The following MARK3 variants were observed in gnomAD, a reference collection of about 807,000 sequenced individuals.
MARK3 encodes the protein MAP/microtubule affinity-regulating kinase 3.
In MARK3, 46 loss-of-function variants were observed where a neutral mutation model predicts 90.1. The ratio of observed to expected loss-of-function variants is 0.51; its 90% confidence interval spans 0.40 to 0.65. The LOEUF (loss-of-function observed/expected upper bound fraction) is 0.65, where lower values mean the gene tolerates loss of function less well. Among genes scored for constraint, MARK3 ranks in the 30% least tolerant of loss-of-function variants. The probability of loss-of-function intolerance (pLI) is 0.00; values close to 1 mark genes in which losing one functional copy is unlikely to be tolerated. For synonymous variants in MARK3, 321 were observed against 332.6 expected, an observed-to-expected ratio of 0.97 and a Z score of 0.38; for missense variants, 818 against 947.2, an observed-to-expected ratio of 0.86 and a Z score of 1.79.
In MARK3 at chr14:103,503,187, A is replaced by G; in HGVS notation, c.2222A>G (p.Lys741Arg). The change falls in exon 18 of 18, where the codon AAA (lysine) becomes AGA (arginine). Residue 741 changes from lysine to arginine, a missense_variant. Lys to Arg is a conservative substitution (Grantham distance 26, BLOSUM62 2). This residue lies in a region of MARK3 where 560 missense variants were observed against 613.5 expected (regional missense o/e 0.91). Transcript: ENST00000429436. ...ATATCGGGGACATCCATAGCCTTCA[A>G]AAATATTGCTTCCAAAATTGCCAAT... ...KRISGTSIAF[K>R]NIASKIANEL... is the part of the protein sequence containing the mutation. 6.2e-7 allele frequency: 1 copy of G among 1,612,000 alleles called. No individual in the cohort carries two copies. Among genetic ancestry groups the G allele is most frequent in the Non-Finnish European group, 8.5e-7 (1 of 1,178,160 alleles).
chr14:103,432,622 G>A (rs927450746), intron 3 of MARK3, among the ~76,000 whole-genome samples: 1 of 152,098 alleles, frequency 6.6e-6, no homozygotes, highest in Non-Finnish European at 1.5e-5. Flanking sequence ...AGCCTGAGGC[G>A]AGAGGATCAC....
chr14:103,439,413 T>G (rs921740945), intron 3 of MARK3, among the ~76,000 whole-genome samples: 2 of 152,024 alleles, frequency 1.3e-5, no homozygotes, highest in African/African-American at 2.4e-5. Context: ...TCTTTTGTGT[T>G]TGTTTGTTTG....
chr14:103,400,983 A>AGGTTGTTTAT (rs2090929886), intron 1 of MARK3, among the ~76,000 whole-genome samples: 1 of 109,368 alleles, frequency 9.1e-6, no homozygotes, highest in Non-Finnish European at 1.9e-5. Flanking sequence ...GTGTGTGTGT[A>AGGTTGTTTAT]TGCAGGTTGT....
At chr14:103,410,295 A>G (rs1486240108) in intron 2 of MARK3, among the ~76,000 whole-genome samples, 2 of 152,210 alleles carry the variant, frequency 1.3e-5, no homozygotes, top group African/African-American at 2.4e-5. Flanking sequence ...GGAAGGGAAG[A>G]GGAGGAGAAA....
chr14:103,403,326 T>TTGTGTGTGTGTGTG (rs59913493), intron 1 of MARK3, among the ~76,000 whole-genome samples: 17 of 138,544 alleles, frequency 1.2e-4, no homozygotes, highest in Non-Finnish European at 2.5e-4. Flanking sequence ...TAGTGCCTGG[T>TTGTGTGTGTGTGTG]TGTGTGTGTG....
At chr14:103,497,975 G>A (rs1427870491) in intron 15 of MARK3, among the ~76,000 whole-genome samples, 2 of 152,186 alleles carry the variant, frequency 1.3e-5, no homozygotes, top group Admixed American at 1.3e-4. Context: ...CCAACACTCT[G>A]GGAGGCCGAG....
At chr14:103,443,772 T>C (rs2092922733) in intron 3 of MARK3, among the ~76,000 whole-genome samples, 1 of 152,208 alleles carries the variant, frequency 6.6e-6, no homozygotes, top group Admixed American at 6.5e-5. Flanking sequence ...AATTTTTTTT[T>C]CCTTTTTTAC....
intron 3 of MARK3, among the ~76,000 whole-genome samples, chr14:103,435,207 C>T (rs1292217472): frequency 6.6e-6 from 1 of 152,162 alleles, no homozygotes; most frequent in African/African-American, 2.4e-5. Flanking sequence ...CTTTTCAACC[C>T]TTCTTGTGCA....
intron 14 of MARK3, among the ~76,000 whole-genome samples, chr14:103,486,009 G>C (rs1490325899): frequency 6.6e-6 from 1 of 152,056 alleles, no homozygotes; most frequent in African/African-American, 2.4e-5. Context: ...TTTAAATGTA[G>C]ACCAGGCATG....
intron 2 of MARK3, chr14:103,412,021 G>T (rs182722747): frequency 9.4e-6 from 3 of 318,552 alleles, no homozygotes; most frequent in East Asian, 4.7e-5. Context: ...TCTAAAAACA[G>T]AGCATGAAAT....
intron 6 of MARK3, among the ~76,000 whole-genome samples, chr14:103,459,163 A>C (rs1019003904): frequency 2.0e-5 from 3 of 152,178 alleles, no homozygotes; most frequent in Admixed American, 6.5e-5. Flanking sequence ...TACTCAGATG[A>C]ATCTGACTTG....
intron 1 of MARK3, among the ~76,000 whole-genome samples, chr14:103,404,147 CTTTGA>C (rs1005907036): frequency 1.3e-5 from 2 of 152,142 alleles, no homozygotes; most frequent in African/African-American, 4.8e-5. Flanking sequence ...GTTTCATTTC[CTTTGA>C]TTTGAGTAAA....
At chr14:103,395,572 C>G (rs577365649) in intron 1 of MARK3, among the ~76,000 whole-genome samples, 1 of 152,262 alleles carries the variant, frequency 6.6e-6, no homozygotes, top group East Asian at 1.9e-4. Context: ...TTTGCCTTTC[C>G]TGTTCGATCC....
At chr14:103,501,491 C>T (rs1472039603) in intron 17 of MARK3, among the ~76,000 whole-genome samples, 1 of 152,224 alleles carries the variant, frequency 6.6e-6, no homozygotes, top group Non-Finnish European at 1.5e-5. Context: ...ATGCCACAGA[C>T]ACATCCTGTA....
intron 2 of MARK3, chr14:103,417,500 G>C (rs1423487069): frequency 1.3e-5 from 2 of 152,074 alleles, no homozygotes; most frequent in African/African-American, 4.8e-5. Flanking sequence ...TTTCTTTCTG[G>C]AAGTTTATCC....
chr14:103,434,722 G>T (rs757918691), intron 3 of MARK3, among the ~76,000 whole-genome samples: 2 of 152,180 alleles, frequency 1.3e-5, no homozygotes, highest in African/African-American at 2.4e-5. Flanking sequence ...TCATTGGCAA[G>T]TTGTAGCCAG....
At position 103,428,450 on chromosome 14, in the gene MARK3, G is replaced by A; in HGVS notation, c.297+10G>A. On this transcript the variant is annotated intron_variant, in intron 3 of 17. Transcript: ENST00000429436. The stretch of plus-strand genomic sequence containing the variant: ...AACAAGTCTACAAAAGGTAAGATTG[G>A]TTCAATGTCTAGTACTTTTTAAAAA... 6.7e-7 allele frequency: 1 copy of A among 1,494,020 alleles called. No individual in the cohort carries two copies. Among genetic ancestry groups the A allele is most frequent in the South Asian group, 1.3e-5 (1 of 79,176 alleles). The allele number at this position is 1,494,020 out of a possible 1,614,324, so 92.5% of individuals were successfully genotyped here. A position where few individuals can be genotyped will look rare whatever the true frequency, so the allele number is the denominator to read the frequency against.
At chr14:103,420,863 GC>G (rs1445431710) in intron 2 of MARK3, among the ~76,000 whole-genome samples, 1 of 152,026 alleles carries the variant, frequency 6.6e-6, no homozygotes, top group African/African-American at 2.4e-5. Flanking sequence ...CAGTCTTTGT[GC>G]CGTAAACCAG....
intron 3 of MARK3, among the ~76,000 whole-genome samples, chr14:103,435,991 A>G (rs528375072): frequency 3.3e-5 from 5 of 151,516 alleles, no homozygotes; most frequent in African/African-American, 1.2e-4. Context: ...CCCGAGTTCA[A>G]GTGATTCTCC....
Sources: gnomAD v4.1 joint callset for allele counts (sites outside exome capture counted in the v4.1 genomes callset) on GRCh38, gnomAD v4.1.1 for gene constraint, gnomAD v4.1.1 regional missense constraint, MANE v1.5 for transcripts, NCBI Gene and HGNC (gene_info 2026-07-23, HGNC 2026-07-21) for gene names.